The following EP400 variants were observed in gnomAD, a reference collection of about 807,000 sequenced individuals.
EP400 encodes the protein E1A-binding protein p400.
Under a neutral mutation model 354.1 loss-of-function variants are expected in EP400, and 105 were observed. The observed-to-expected ratio is 0.30, with a 90% confidence interval of 0.25 to 0.35. The LOEUF is 0.35. Among genes scored for constraint, EP400 ranks in the 10% least tolerant of loss-of-function variants. The pLI is 1.00. For synonymous variants in EP400, 1,646 were observed against 1,716.9 expected, an observed-to-expected ratio of 0.96 and a Z score of 1.02; for missense variants, 3,280 against 4,121.0, an observed-to-expected ratio of 0.80 and a Z score of 5.59.
At chr12:132,076,209 A>C (rs1896233961) in intron 51 of EP400, 1 of 440,640 alleles carries the variant, frequency 2.3e-6, no homozygotes, top group Non-Finnish European at 4.3e-6. Context: ...TACCATCCTC[A>C]GTCTGATTCT....
intron 2 of EP400, among the ~76,000 whole-genome samples, chr12:131,967,114 T>C (rs565300358): frequency 6.6e-6 from 1 of 151,730 alleles, no homozygotes; most frequent in East Asian, 2.0e-4. Context: ...GTGCGGTGGC[T>C]CATGCCTGTA....
At chr12:132,063,968 C>G (rs1047997750) in intron 47 of EP400, among the ~76,000 whole-genome samples, 3 of 151,290 alleles carry the variant, frequency 2.0e-5, no homozygotes, top group Middle Eastern at 3.4e-3. Flanking sequence ...GCTTTGACCC[C>G]CCCGGCCCAC....
intron 50 of EP400, chr12:132,068,989 C>T (rs1565936100): frequency 6.5e-6 from 1 of 153,306 alleles, no homozygotes; most frequent in Non-Finnish European, 1.5e-5. Context: ...TGTTAAAAAC[C>T]CCTATTTACC....
At position 132,066,882 on chromosome 12, in the gene EP400, G is replaced by C; in HGVS notation, c.8662G>C (p.Ala2888Pro). Residue 2888 changes from alanine to proline, a missense_variant, in exon 49 of 53, where the codon GCT becomes CCT. By Grantham distance (27) the Ala-to-Pro change is conservative. Transcript: ENST00000389561. ...AKPPVVSVPA[A>P]VVSSPGVTTL... is the part of the protein sequence containing the mutation. ...GCCTCCGGTGGTGTCCGTCCCGGCAGCTGTGGTCTCCTCACCGGGAGTCAC... is the reference window on the plus strand; with the variant it reads ...GCCTCCGGTGGTGTCCGTCCCGGCACCTGTGGTCTCCTCACCGGGAGTCAC... The C allele has an allele frequency of 6.2e-7, 1 of 1,613,860 alleles. No homozygotes were observed. Among genetic ancestry groups the C allele is most frequent in the Non-Finnish European group, 8.5e-7 (1 of 1,179,930 alleles).
chr12:132,050,236 A>C lies in EP400; in HGVS notation c.7201-87A>C. On this transcript the variant is annotated intron_variant, in intron 39 of 52. Transcript: ENST00000389561. This position sits in a 1 kb window ranked among gnomAD's most constrained non-coding sequence, Gnocchi z 4.8. ...GTTCAGCCATGGGGAGTTTAGCCTC[A>C]GATTCCCACCCAGTGAGCCCTGTGT... The C allele has an allele frequency of 6.6e-7, 1 of 1,513,296 alleles. No homozygotes were observed. Among genetic ancestry groups the C allele is most frequent in the African/African-American group, 1.4e-5 (1 of 72,306 alleles). 93.7% of individuals were successfully genotyped at this position (1,513,296 alleles called of 1,614,324 possible).
At chr12:132,002,079 TAG>T (rs1240230741) in intron 12 of EP400, among the ~76,000 whole-genome samples, 1 of 152,234 alleles carries the variant, frequency 6.6e-6, no homozygotes, top group Non-Finnish European at 1.5e-5. Context: ...GAGTTTCCTC[TAG>T]AGAGAGTTTC....
rs1896098584 is a variant in EP400 at position 132,072,602 on chromosome 12, G to A, written c.9021+2961G>A. Among the ~76,000 whole-genome samples, 3 of 152,172 alleles carry A rather than the reference G, an allele frequency of 2.0e-5. No homozygotes were observed. The South Asian group carries it at 6.2e-4, about 32-fold the overall frequency. On this transcript the variant is annotated intron_variant, in intron 51 of 52. Coordinates refer to ENST00000389561, the MANE Select transcript of EP400 (RefSeq NM_015409.5). ...AGAATACAGTCAGTTTTAAAAAATGGTCTGTGTCCTTCCAGAGCAGTCTTC... is the reference window on the plus strand; with the variant it reads ...AGAATACAGTCAGTTTTAAAAAATGATCTGTGTCCTTCCAGAGCAGTCTTC...
Position 132,005,067 on chromosome 12 carries a change from C to A in EP400, c.2828-10C>A, listed in dbSNP as rs1337497586. ...AAAGTAACAGCCCTTCTGCCCGCAA[C>A]CCTCTGCAGCTGAGCTGCCCCTCCT... On this transcript the variant is annotated splice_polypyrimidine_tract_variant and intron_variant, in intron 12 of 52. Transcript: ENST00000389561. 6.4e-7 allele frequency: 1 copy of A among 1,567,144 alleles called. No individual in the cohort carries two copies. Among genetic ancestry groups the A allele is most frequent in the Admixed American group, 1.9e-5 (1 of 52,804 alleles).
rs756676175 is a variant in EP400, at chr12:131,989,903, T to C, written c.2410-61T>C. On this transcript the variant is annotated intron_variant, in intron 7 of 52. Coordinates refer to ENST00000389561, the MANE Select transcript of EP400 (RefSeq NM_015409.5). ...GAGAAGATTTAAAAAAAGTTACATA[T>C]CCTTTTTTTTCCAGCATGACATAGA... is the stretch of plus-strand genomic sequence containing the variant. 13 of 1,579,504 alleles carry C rather than the reference T, an allele frequency of 8.2e-6. 1 individual carries two copies. The highest frequency in any genetic ancestry group is 2.3e-5 in the South Asian group (2 of 85,502).
At chr12:132,065,581 C>A (rs1218167709) in intron 48 of EP400, 1 of 151,578 alleles carries the variant, frequency 6.6e-6, no homozygotes, top group African/African-American at 2.5e-5. Flanking sequence ...GGTTAAGAAA[C>A]TGAGGCATGT....
At chr12:132,042,925 C>G (rs901401436) in intron 32 of EP400, among the ~76,000 whole-genome samples, 4 of 152,212 alleles carry the variant, frequency 2.6e-5, no homozygotes, top group African/African-American at 9.7e-5. Flanking sequence ...CTGTGTCTGT[C>G]AGGAGCTGTG....
chr12:132,065,862 G>C (rs1175371537), intron 48 of EP400: 2 of 152,264 alleles, frequency 1.3e-5, no homozygotes, highest in Non-Finnish European at 2.9e-5. Flanking sequence ...TTGTTGGACA[G>C]GAATCAGTGG....
chr12:131,970,269 C>A (rs1402473032), intron 2 of EP400, among the ~76,000 whole-genome samples: 1 of 152,220 alleles, frequency 6.6e-6, no homozygotes, highest in Non-Finnish European at 1.5e-5. Flanking sequence ...ACAAATTAAA[C>A]TGCTCAGAAT....
chr12:132,053,914 A>G (rs938393368), intron 43 of EP400, among the ~76,000 whole-genome samples: 1 of 152,100 alleles, frequency 6.6e-6, no homozygotes, highest in Non-Finnish European at 1.5e-5. Flanking sequence ...TGTAAAACAT[A>G]CCTGTGACGC....
chr12:132,000,737 C>G (rs752412688), intron 12 of EP400, among the ~76,000 whole-genome samples: 14 of 152,116 alleles, frequency 9.2e-5, no homozygotes, highest in Admixed American at 3.3e-4. Flanking sequence ...TTTATGAATT[C>G]TCTTTTAAGC....
At chr12:132,045,169 C>A in intron 37 of EP400, 150 bp from the exon 38 acceptor site, 1 of 1,345,980 alleles carries the variant, frequency 7.4e-7, no homozygotes. Flanking sequence ...ACCATGAAGG[C>A]CCGAAAGCAG....
Position 132,079,499 on chromosome 12 carries a change from G to T in EP400, c.*1826G>T, listed in dbSNP as rs1033994559. 1.3e-5 allele frequency: 2 copies of T among 152,232 alleles called. No homozygotes were observed. The highest frequency in any genetic ancestry group is 2.9e-5 in the Non-Finnish European group (2 of 68,034). The allele number at this position is 152,232 out of a possible 1,614,324, so 9.4% of individuals were successfully genotyped here. On this transcript the variant is annotated 3_prime_UTR_variant, in exon 53 of 53. Coordinates refer to ENST00000389561, the MANE Select transcript of EP400 (RefSeq NM_015409.5). ...TGAAGTATCTAGGAATTCTGCCTTT[G>T]TCATTTGTTTTAATTTGTGTGCCCT...
intron 12 of EP400, among the ~76,000 whole-genome samples, chr12:131,998,652 T>A (rs1893295058): frequency 6.9e-6 from 1 of 144,124 alleles, no homozygotes; most frequent in African/African-American, 2.5e-5. Flanking sequence ...TATACAGTCT[T>A]GTATACAAAG....
chr12:131,958,922 G>T (rs1891789582), intron 1 of EP400, among the ~76,000 whole-genome samples: 1 of 152,344 alleles, frequency 6.6e-6, no homozygotes, highest in African/African-American at 2.4e-5. Flanking sequence ...GGTCTTGTTT[G>T]TCTTGGAGTA....
Sources: gnomAD v4.1 joint callset for allele counts (sites outside exome capture counted in the v4.1 genomes callset) on GRCh38, gnomAD v4.1.1 for gene constraint, Gnocchi (gnomAD v3.1) non-coding constraint, MANE v1.5 for transcripts, NCBI Gene and HGNC (gene_info 2026-07-23, HGNC 2026-07-21) for gene names.